The following EMILIN2 variants were observed in gnomAD, a reference collection of about 807,000 sequenced individuals.
EMILIN2 encodes the protein elastin microfibril interfacer 2, also known as EMILIN-2.
A neutral mutation model predicts 87.1 loss-of-function variants in EMILIN2; 71 were observed. The ratio of observed to expected loss-of-function variants is 0.82; its 90% CI spans 0.67 to 0.99. The LOEUF is 0.99. EMILIN2 is among the 50% of genes least tolerant of loss of function. EMILIN2 has a pLI of 0.00. For missense variants in EMILIN2, 1,407 were observed against 1,371.8 expected, an observed-to-expected ratio of 1.03 and a Z score of -0.40; for synonymous variants, 581 against 563.4, an observed-to-expected ratio of 1.03 and a Z score of -0.44.
At chr18:2,902,614 C>T (rs1464024864) in intron 4 of EMILIN2, among the ~76,000 whole-genome samples, 1 of 152,174 alleles carries the variant, frequency 6.6e-6, no homozygotes, top group Non-Finnish European at 1.5e-5. Flanking sequence ...AGTGAGCATA[C>T]TGATGGCAGC....
intron 4 of EMILIN2, among the ~76,000 whole-genome samples, chr18:2,893,256 G>A (rs2076848164): frequency 6.6e-6 from 1 of 152,140 alleles, no homozygotes; most frequent in South Asian, 2.1e-4. Context: ...AGTGGGTGTT[G>A]TCCTCTCTTC....
At chr18:2,870,494 A>G (rs529330) in intron 2 of EMILIN2, among the ~76,000 whole-genome samples, 66,704 of 152,106 alleles carry the variant, frequency 0.44, 15,003 homozygotes, top group Admixed American at 0.49. Flanking sequence ...TGGCTTCTGG[A>G]AGTGCACATC....
At chr18:2,899,881 G>A (rs549550465) in intron 4 of EMILIN2, among the ~76,000 whole-genome samples, 19 of 152,320 alleles carry the variant, frequency 1.2e-4, no homozygotes, top group South Asian at 4.1e-4. Flanking sequence ...CTTCTCTGTC[G>A]GGGTTCTGTG....
At chr18:2,892,626 C>A in intron 4 of EMILIN2, 140 bp downstream of exon 4, 2 of 1,235,496 alleles carry the variant, frequency 1.6e-6, no homozygotes, top group Non-Finnish European at 1.1e-6. Context: ...AGATTTTGGA[C>A]AGTTCACGGA....
chr18:2,873,756 A>T (rs2076734114), intron 2 of EMILIN2, among the ~76,000 whole-genome samples: 2 of 152,120 alleles, frequency 1.3e-5, no homozygotes, highest in Admixed American at 6.5e-5. Flanking sequence ...AAAAATCGTG[A>T]ACAGATGTCA....
chr18:2,874,599 A>G (rs1274248391), intron 2 of EMILIN2, among the ~76,000 whole-genome samples: 1 of 152,174 alleles, frequency 6.6e-6, no homozygotes, highest in African/African-American at 2.4e-5. Flanking sequence ...CAGGCGAATG[A>G]AAACATCTGC....
chr18:2,856,729 G>A (rs984294905), intron 2 of EMILIN2, among the ~76,000 whole-genome samples: 10 of 152,098 alleles, frequency 6.6e-5, no homozygotes, highest in East Asian at 1.9e-4. Context: ...ACTGCTCAGC[G>A]TTAACTACTT....
intron 2 of EMILIN2, among the ~76,000 whole-genome samples, chr18:2,851,559 A>G (rs2076601891): frequency 6.6e-6 from 1 of 152,174 alleles, no homozygotes; most frequent in Non-Finnish European, 1.5e-5. Context: ...TCATTTAAAT[A>G]ACAGGAGGAG....
intron 4 of EMILIN2, among the ~76,000 whole-genome samples, chr18:2,905,808 G>T (rs2076908805): frequency 6.8e-6 from 1 of 147,518 alleles, no homozygotes. Context: ...ATATTTGGAA[G>T]AGATGAGGTT....
At position 2,913,450 on chromosome 18, in the gene EMILIN2, T is replaced by A. The variant is rs138887813; in HGVS notation, c.*46T>A. 779 of 1,441,928 alleles carry A rather than the reference T, an allele frequency of 5.4e-4. 8 individuals are homozygous for A. The Middle Eastern group carries it at 6.9e-3, about 13-fold the overall frequency. The allele number at this position is 1,441,928 out of a possible 1,614,324, so 89.3% of individuals were successfully genotyped here. A position where few individuals can be genotyped will look rare whatever the true frequency, so the allele number is the denominator to read the frequency against. On this transcript the variant is annotated 3_prime_UTR_variant, in exon 8 of 8. Coordinates refer to ENST00000254528, the MANE Select transcript of EMILIN2 (RefSeq NM_032048.3). ...GGGAAAGATAGATAGTTGTAAAAAC[T>A]CTAAAGCTTTAATATATTCGGTTTG... is the stretch of plus-strand genomic sequence containing the variant.
intron 2 of EMILIN2, among the ~76,000 whole-genome samples, chr18:2,867,786 G>A (rs1219517561): frequency 6.6e-6 from 1 of 152,208 alleles, no homozygotes; most frequent in African/African-American, 2.4e-5. Flanking sequence ...CGATTTCTCA[G>A]TCTTTTCCCC....
intron 2 of EMILIN2, among the ~76,000 whole-genome samples, chr18:2,882,837 C>T (rs1193784683): frequency 4.0e-5 from 6 of 151,658 alleles, no homozygotes; most frequent in South Asian, 4.2e-4. Context: ...GAGCCGAGAT[C>T]GCGCCATTGT....
chr18:2,879,071 G>A (rs2076764015), intron 2 of EMILIN2, among the ~76,000 whole-genome samples: 1 of 152,210 alleles, frequency 6.6e-6, no homozygotes. Context: ...TCTGGGACAT[G>A]TGGGTATTTT....
chr18:2,848,537 G>A lies in EMILIN2; in HGVS notation c.257+606G>A, dbSNP rs567189395. On this transcript the variant is annotated intron_variant, in intron 2 of 7. Transcript: ENST00000254528. The surrounding 1 kb of genome is among the most constrained non-coding windows in gnomAD (Gnocchi z 4.1). ...CTAGAGATTGTGGGAGAGAATGGCCGTTAAAGACAGGGGGAAGAATTAATC... is the reference window on the plus strand; with the variant it reads ...CTAGAGATTGTGGGAGAGAATGGCCATTAAAGACAGGGGGAAGAATTAATC... Among the ~76,000 whole-genome samples, 2 of 151,180 alleles carry A rather than the reference G, an allele frequency of 1.3e-5. No homozygotes were observed. The highest frequency in any genetic ancestry group is 4.2e-4 in the South Asian group (2 of 4,800).
At chr18:2,870,877 C>T (rs1319164811) in intron 2 of EMILIN2, among the ~76,000 whole-genome samples, 1 of 152,194 alleles carries the variant, frequency 6.6e-6, no homozygotes, top group African/African-American at 2.4e-5. Context: ...CGTCTTCTCC[C>T]TGTGTCTCTT....
At chr18:2,862,872 T>C (rs1164521339) in intron 2 of EMILIN2, among the ~76,000 whole-genome samples, 1 of 152,108 alleles carries the variant, frequency 6.6e-6, no homozygotes, top group Admixed American at 6.6e-5. Flanking sequence ...TGGTTTGAAA[T>C]CTATTAATTA....
rs1262856691 is a variant in EMILIN2, at chr18:2,894,444, G to A, written c.2359+1958G>A. Among the ~76,000 whole-genome samples the A allele has an allele frequency of 6.6e-6, 1 of 152,212 alleles. No individual in the cohort carries two copies. The highest frequency in any genetic ancestry group is 2.4e-5 in the African/African-American group (1 of 41,456). ...CACTCAGCTCCTCTATCTCTGGAAT[G>A]TTGAGTAGAGGTCACAAGACCATGT... On this transcript the variant is annotated intron_variant, in intron 4 of 7. Transcript: ENST00000254528. The surrounding 1 kb of genome is among the most constrained non-coding windows in gnomAD (Gnocchi z 5.0).
chr18:2,904,112 T>C (rs1248466901), intron 4 of EMILIN2, among the ~76,000 whole-genome samples: 1 of 152,270 alleles, frequency 6.6e-6, no homozygotes, highest in African/African-American at 2.4e-5. Flanking sequence ...GATTTCAAGG[T>C]TGACAATTAC....
At chr18:2,846,755 G>GA (rs2143937730), upstream of EMILIN2, 1 of 985,442 alleles carries the variant, frequency 1.0e-6, no homozygotes. The surrounding 1 kb of genome is among the most constrained non-coding windows in gnomAD (Gnocchi z 5.3). Flanking sequence ...GTGGGAGGCG[G>GA]AGTCGCTCGG....
Sources: gnomAD v4.1 joint callset for allele counts (sites outside exome capture counted in the v4.1 genomes callset) on GRCh38, gnomAD v4.1.1 for gene constraint, Gnocchi (gnomAD v3.1) non-coding constraint, MANE v1.5 for transcripts, NCBI Gene and HGNC (gene_info 2026-07-23, HGNC 2026-07-21) for gene names.